Variants in GLRA3 observed in about 807,000 individuals in gnomAD.
GLRA3 encodes the protein glycine receptor alpha 3.
In GLRA3, 44 loss-of-function variants were observed where a neutral mutation model predicts 60.4. The observed-to-expected ratio is 0.73, with a 90% CI of 0.57 to 0.94. The LOEUF (loss-of-function observed/expected upper bound fraction) is 0.94. GLRA3 is among the 40% of genes least tolerant of loss of function. The probability of loss-of-function intolerance (pLI) is 0.00; values close to 1 mark genes in which losing one functional copy is unlikely to be tolerated. For synonymous variants in GLRA3, 223 were observed against 192.9 expected, an observed-to-expected ratio of 1.16 and a Z score of -1.29; for missense variants, 508 against 564.6, an observed-to-expected ratio of 0.90 and a Z score of 1.02.
intron 3 of GLRA3, among the ~76,000 whole-genome samples, chr4:174,736,273 T>A (rs1579527901): frequency 6.6e-6 from 1 of 152,272 alleles, no homozygotes; most frequent in East Asian, 1.9e-4. Flanking sequence ...TCAAAGATGA[T>A]AAATTTAAAT....
At chr4:174,781,064 G>A (rs1738846593) in intron 2 of GLRA3, among the ~76,000 whole-genome samples, 1 of 152,092 alleles carries the variant, frequency 6.6e-6, no homozygotes, top group Non-Finnish European at 1.5e-5. Flanking sequence ...ATACTTGGAA[G>A]TAAAGCTCTC....
chr4:174,688,317 TCA>T (rs371498438), intron 5 of GLRA3, among the ~76,000 whole-genome samples: 1,010 of 71,248 alleles, frequency 0.014, 137 homozygotes, highest in Non-Finnish European at 0.017. Flanking sequence ...TTACCTGACA[TCA>T]TATATATATA....
intron 3 of GLRA3, among the ~76,000 whole-genome samples, chr4:174,746,295 T>A (rs776115427): frequency 5.3e-5 from 8 of 152,170 alleles, no homozygotes; most frequent in Non-Finnish European, 1.0e-4. Flanking sequence ...ATATACACCA[T>A]GGGATACTGT....
chr4:174,763,654 A>C (rs4695962), intron 3 of GLRA3, among the ~76,000 whole-genome samples: 116,075 of 152,096 alleles, frequency 0.76, 44,538 homozygotes, highest in East Asian at 1. Flanking sequence ...GCAGGAGCAC[A>C]CTTCATATAA....
At chr4:174,768,766 C>T (rs992403684) in intron 2 of GLRA3, among the ~76,000 whole-genome samples, 1 of 152,104 alleles carries the variant, frequency 6.6e-6, no homozygotes, top group African/African-American at 2.4e-5. Context: ...AGAACGTGAA[C>T]CATTGCTCTG....
chr4:174,687,682 A>G (rs552477100), intron 5 of GLRA3, among the ~76,000 whole-genome samples: 2 of 152,332 alleles, frequency 1.3e-5, no homozygotes, highest in South Asian at 2.1e-4. Context: ...TTGTTACACC[A>G]TGAGCTTCAT....
intron 4 of GLRA3, among the ~76,000 whole-genome samples, chr4:174,720,810 C>T (rs563275291): frequency 6.6e-6 from 1 of 152,134 alleles, no homozygotes; most frequent in African/African-American, 2.4e-5. Flanking sequence ...CTCTAGTTTT[C>T]CTTTATAAGA....
intron 5 of GLRA3, among the ~76,000 whole-genome samples, chr4:174,694,946 C>A (rs943819890): frequency 6.6e-6 from 1 of 152,106 alleles, no homozygotes; most frequent in African/African-American, 2.4e-5. Context: ...ACCATGAACA[C>A]CTCTATGCAC....
At chr4:174,739,549 T>G (rs1736929259) in intron 3 of GLRA3, among the ~76,000 whole-genome samples, 2 of 152,104 alleles carry the variant, frequency 1.3e-5, no homozygotes, top group African/African-American at 4.8e-5. Flanking sequence ...TTTCTAAGAA[T>G]CATAAGAGCA....
At chr4:174,754,598 A>G (rs1022018174) in intron 3 of GLRA3, among the ~76,000 whole-genome samples, 7 of 152,172 alleles carry the variant, frequency 4.6e-5, no homozygotes, top group African/African-American at 7.2e-5. Context: ...GAATGCTATT[A>G]TGGTACTTAC....
intron 9 of GLRA3, among the ~76,000 whole-genome samples, 191 bp from the exon 10 acceptor site, chr4:174,644,255 T>C (rs1359748525): frequency 6.6e-6 from 1 of 152,114 alleles, no homozygotes; most frequent in Non-Finnish European, 1.5e-5. Context: ...TGCTGCATTG[T>C]ATAGCTGTGC....
In GLRA3 at chr4:174,828,893, T is replaced by G. The variant is rs990211181; in HGVS notation, c.-82A>C. 11 of 960,172 alleles carry G rather than the reference T, an allele frequency of 1.1e-5. No homozygotes were observed. The highest frequency in any genetic ancestry group is 1.9e-5 in the Non-Finnish European group (11 of 587,546). 59.5% of individuals were successfully genotyped at this position (960,172 alleles called of 1,614,324 possible). On this transcript the variant is annotated 5_prime_UTR_variant, in exon 1 of 10. Transcript: ENST00000274093. ...AGAAAGACAGAATGAAAATGTACAATCTAACCCCGCATGGTGTTGGTGTAG... is the reference window on the plus strand; with the variant it reads ...AGAAAGACAGAATGAAAATGTACAAGCTAACCCCGCATGGTGTTGGTGTAG...
At chr4:174,816,853 G>T (rs541879354) in intron 1 of GLRA3, among the ~76,000 whole-genome samples, 48 of 151,698 alleles carry the variant, frequency 3.2e-4, no homozygotes, top group African/African-American at 1.1e-3. Context: ...ATTCTTGTGG[G>T]TACATAGCAG....
At chr4:174,746,641 G>A (rs936631574) in intron 3 of GLRA3, among the ~76,000 whole-genome samples, 10 of 152,234 alleles carry the variant, frequency 6.6e-5, no homozygotes, top group Non-Finnish European at 8.8e-5. Flanking sequence ...CACAGTAACT[G>A]GAAGAGTTAC....
At position 174,660,762 on chromosome 4, in the gene GLRA3, A is replaced by C. The variant is rs540972476; in HGVS notation, c.928-1565T>G. On this transcript the variant is annotated intron_variant, in intron 7 of 9. Coordinates refer to ENST00000274093, the MANE Select transcript of GLRA3 (RefSeq NM_006529.4). ...CAATTAGCATTCTACTGTAAGAAAA[A>C]TTCCTGTCTTCTACATTTATCTGTT... 5.9e-5 allele frequency among the ~76,000 whole-genome samples: 9 copies of C among 152,312 alleles called. No homozygotes were observed. The East Asian group carries it at 1.3e-3, about 23-fold the overall frequency.
At chr4:174,797,545 A>C (rs973802671) in intron 1 of GLRA3, among the ~76,000 whole-genome samples, 1 of 152,222 alleles carries the variant, frequency 6.6e-6, no homozygotes, top group East Asian at 1.9e-4. Context: ...TGCTACTTGA[A>C]AGTTCAGAAA....
chr4:174,667,969 T>C (rs1314096306), intron 7 of GLRA3, among the ~76,000 whole-genome samples: 1 of 152,146 alleles, frequency 6.6e-6, no homozygotes, highest in Non-Finnish European at 1.5e-5. Flanking sequence ...GGGAGGTAGT[T>C]CCATCGTGGG....
chr4:174,809,714 CAG>C (rs1246959673), intron 1 of GLRA3, among the ~76,000 whole-genome samples: 4 of 152,186 alleles, frequency 2.6e-5, no homozygotes, highest in Non-Finnish European at 2.9e-5. Context: ...GCCTGGGTGA[CAG>C]AGTGACACTG....
At chr4:174,679,439 G>A (rs1456944318) in intron 6 of GLRA3, among the ~76,000 whole-genome samples, 3 of 152,108 alleles carry the variant, frequency 2.0e-5, no homozygotes, top group African/African-American at 7.2e-5. Context: ...GGGAACACTT[G>A]TACACCATTG....
Sources: gnomAD v4.1 joint callset for allele counts (sites outside exome capture counted in the v4.1 genomes callset) on GRCh38, gnomAD v4.1.1 for gene constraint, MANE v1.5 for transcripts, NCBI Gene and HGNC (gene_info 2026-07-23, HGNC 2026-07-21) for gene names.